GPC6: variants seen among roughly 807,000 people sequenced by gnomAD.
GPC6 encodes glypican 6.
In GPC6, 14 loss-of-function variants were observed where a neutral mutation model predicts 55.2. The observed-to-expected ratio is 0.25, with a 90% CI of 0.17 to 0.40. The LOEUF is 0.40. Ranked by LOEUF, GPC6 falls within the 10% of genes least tolerant of loss-of-function variation. The pLI, the probability that GPC6 is intolerant of heterozygous loss-of-function variation, is 1.00. For missense variants in GPC6, 641 were observed against 708.5 expected, an observed-to-expected ratio of 0.90 and a Z score of 1.08; for synonymous variants, 278 against 259.6, an observed-to-expected ratio of 1.07 and a Z score of -0.68.
intron 1 of GPC6, among the ~76,000 whole-genome samples, chr13:93,323,385 G>A (rs1879525258): frequency 6.6e-6 from 1 of 152,132 alleles, no homozygotes; most frequent in African/African-American, 2.4e-5. Context: ...TCCTACCAAT[G>A]GCCTCTCATA....
rs200312803 is a variant in GPC6, at chr13:93,542,057, G to A, written c.161-3206G>A. ...ATCCCATTTGTCAATTTTGGCTTTT[G>A]TTGCCATTGCTTTTGGTGTTTTAGA... is the stretch of plus-strand genomic sequence containing the variant. On this transcript the variant is annotated intron_variant, in intron 1 of 8. Transcript: ENST00000377047. 2.0e-5 allele frequency among the ~76,000 whole-genome samples: 3 copies of A among 152,186 alleles called. No individual in the cohort carries two copies. In the East Asian group the frequency reaches 5.8e-4, roughly 29 times the overall value.
At chr13:93,663,465 T>C (rs1236262237) in intron 2 of GPC6, among the ~76,000 whole-genome samples, 1 of 152,226 alleles carries the variant, frequency 6.6e-6, no homozygotes, top group Non-Finnish European at 1.5e-5. Context: ...ATGTACTTAA[T>C]TTTTGTGTTT....
Position 94,050,239 on chromosome 13 carries a change from T to C in GPC6, c.877+22345T>C, listed in dbSNP as rs891416720. On this transcript the variant is annotated intron_variant, in intron 4 of 8. Transcript: ENST00000377047. ...AATTCCTGGAACGTAATAGATGCTG[T>C]GTAAATATTTGTTGAATAAATTACT... Among the ~76,000 whole-genome samples the C allele has an allele frequency of 2.6e-5, 4 of 152,168 alleles. No homozygotes were observed. In the East Asian group the frequency reaches 5.8e-4, roughly 22 times the overall value.
chr13:94,067,620 T>TAGATAGAC lies in GPC6; in HGVS notation c.877+39729_877+39730insTAGACAGA, dbSNP rs879350059. 1.9e-3 allele frequency among the ~76,000 whole-genome samples: 229 copies of TAGATAGAC among 120,996 alleles called. 2 individuals are homozygous for TAGATAGAC. Among genetic ancestry groups the TAGATAGAC allele is most frequent in the South Asian group, 0.012 (48 of 3,994 alleles). The allele number at this position is 120,996 out of a possible 152,430, so 79.4% of individuals were successfully genotyped here. On this transcript the variant is annotated intron_variant, in intron 4 of 8. Coordinates refer to ENST00000377047, the MANE Select transcript of GPC6 (RefSeq NM_005708.5). Reference sequence around the variant, plus strand: ...ATAGATAGATAGATAGATAGATAGATAGACAGACAGACAGACAGATAGACA... The same window carrying TAGATAGAC: ...ATAGATAGATAGATAGATAGATAGATAGATAGACAGACAGACAGACAGACAGATAGACA...
chr13:94,273,610 T>C (rs753300383), intron 4 of GPC6, among the ~76,000 whole-genome samples: 1 of 152,204 alleles, frequency 6.6e-6, no homozygotes, highest in Non-Finnish European at 1.5e-5. Flanking sequence ...AGATACAGGG[T>C]AAGCATGTTG....
intron 2 of GPC6, among the ~76,000 whole-genome samples, chr13:93,621,974 A>G (rs1022858520): frequency 3.9e-5 from 6 of 152,036 alleles, no homozygotes; most frequent in Non-Finnish European, 8.8e-5. Context: ...ATCTAACTGT[A>G]TGTTTGTACC....
At chr13:94,243,811 T>C (rs1210384869) in intron 4 of GPC6, among the ~76,000 whole-genome samples, 5 of 152,136 alleles carry the variant, frequency 3.3e-5, no homozygotes, top group Admixed American at 2.6e-4. Context: ...GCTGCTAGTC[T>C]ACCTCAGAAC....
rs1018659554 is a variant in GPC6, at chr13:93,985,030, C to T, written c.712-42699C>T. ...GGGGCTGATGTGGTAGCTCTGTAAT[C>T]AGTGTAACCCAGGCTCTTTCTTACT... On this transcript the variant is annotated intron_variant, in intron 3 of 8. Coordinates refer to ENST00000377047, the MANE Select transcript of GPC6 (RefSeq NM_005708.5). 4.6e-5 allele frequency among the ~76,000 whole-genome samples: 7 copies of T among 152,304 alleles called. No homozygotes were observed. The East Asian group carries it at 1.4e-3, about 29-fold the overall frequency.
At chr13:93,997,607 GCA>G (rs1881617150) in intron 3 of GPC6, among the ~76,000 whole-genome samples, 15 of 151,328 alleles carry the variant, frequency 9.9e-5, no homozygotes, top group Admixed American at 9.2e-4. Context: ...GTGTGTGTGT[GCA>G]TGCACGCTTG....
intron 4 of GPC6, among the ~76,000 whole-genome samples, chr13:94,268,581 A>C (rs1421102322): frequency 6.6e-6 from 1 of 152,212 alleles, no homozygotes; most frequent in Non-Finnish European, 1.5e-5. Flanking sequence ...ATAGGAAGGC[A>C]CTGTAAATCA....
chr13:93,957,099 A>G (rs1043506052), intron 3 of GPC6, among the ~76,000 whole-genome samples: 2 of 152,186 alleles, frequency 1.3e-5, no homozygotes, highest in African/African-American at 4.8e-5. Flanking sequence ...ATGGGATGAG[A>G]ACAGTGTGTC....
intron 3 of GPC6, among the ~76,000 whole-genome samples, chr13:94,025,829 CACTGACTTTCTATTGT>C (rs1201192826): frequency 3.3e-5 from 5 of 152,094 alleles, no homozygotes; most frequent in Admixed American, 1.3e-4. Flanking sequence ...GTATTTTACT[CACTGACTTTCTATTGT>C]TGATCATGTT....
intron 3 of GPC6, among the ~76,000 whole-genome samples, chr13:93,990,604 C>T (rs527628325): frequency 6.6e-6 from 1 of 152,064 alleles, no homozygotes; most frequent in South Asian, 2.1e-4. Context: ...CACCTGTAGC[C>T]CCTGCACTTT....
intron 2 of GPC6, among the ~76,000 whole-genome samples, chr13:93,754,874 A>C (rs1211583867): frequency 6.6e-6 from 1 of 152,190 alleles, no homozygotes; most frequent in African/African-American, 2.4e-5. Flanking sequence ...GCATGAATCT[A>C]GCACAGTCCC....
intron 1 of GPC6, among the ~76,000 whole-genome samples, chr13:93,307,225 A>G (rs1878888254): frequency 6.6e-6 from 1 of 152,106 alleles, no homozygotes; most frequent in Non-Finnish European, 1.5e-5. Flanking sequence ...GTACAATGTA[A>G]TTTCTGGTAT....
chr13:93,377,224 A>G (rs949983908), intron 1 of GPC6, among the ~76,000 whole-genome samples: 5 of 152,202 alleles, frequency 3.3e-5, no homozygotes, highest in Non-Finnish European at 5.9e-5. Flanking sequence ...ACACCAGAGC[A>G]TTGAAGTGAA....
chr13:94,193,788 A>G (rs1235022258), intron 4 of GPC6, among the ~76,000 whole-genome samples: 3 of 152,128 alleles, frequency 2.0e-5, no homozygotes, highest in Non-Finnish European at 4.4e-5. Flanking sequence ...TATCTCTTTC[A>G]TGGTTTTCAG....
intron 2 of GPC6, among the ~76,000 whole-genome samples, chr13:93,796,028 A>G (rs1221471069): frequency 6.8e-6 from 1 of 147,078 alleles, no homozygotes; most frequent in Non-Finnish European, 1.5e-5. Flanking sequence ...CGAGAAAAGA[A>G]AAAAAAAAAA....
At chr13:93,304,189 A>G (rs965908412) in intron 1 of GPC6, among the ~76,000 whole-genome samples, 1 of 152,150 alleles carries the variant, frequency 6.6e-6, no homozygotes, top group Non-Finnish European at 1.5e-5. Flanking sequence ...AATATCATTG[A>G]AAGACATTCT....
Sources: gnomAD v4.1 joint callset for allele counts (sites outside exome capture counted in the v4.1 genomes callset) on GRCh38, gnomAD v4.1.1 for gene constraint, MANE v1.5 for transcripts, NCBI Gene and HGNC (gene_info 2026-07-23, HGNC 2026-07-21) for gene names.